The following CECR2 variants were observed in gnomAD, a reference collection of about 807,000 sequenced individuals.
CECR2 encodes CECR2 histone acetyl-lysine reader.
CECR2 carries 30 observed loss-of-function variants against 154.5 expected under a neutral mutation model. That is an observed-to-expected ratio of 0.19 (90% CI 0.15 to 0.26). The LOEUF is 0.26. CECR2 is among the 10% of genes least tolerant of loss of function. CECR2 has a pLI of 1.00. For synonymous variants in CECR2, 725 were observed against 683.7 expected, an observed-to-expected ratio of 1.06 and a Z score of -0.94; for missense variants, 1,743 against 1,829.3, an observed-to-expected ratio of 0.95 and a Z score of 0.86.
At chr22:17,425,497 A>G (rs184409091) in intron 1 of CECR2, among the ~76,000 whole-genome samples, 120 of 152,324 alleles carry the variant, frequency 7.9e-4, no homozygotes, top group African/African-American at 2.6e-3. Context: ...CTAAACTACT[A>G]TATGGGCTCT....
chr22:17,484,926 C>T (rs1056925579), intron 2 of CECR2, among the ~76,000 whole-genome samples: 4 of 152,196 alleles, frequency 2.6e-5, no homozygotes, highest in Admixed American at 1.3e-4. Flanking sequence ...TATAATTTTC[C>T]GACTCCTGTA....
chr22:17,500,760 T>TAA (rs1465238029), intron 5 of CECR2, 25 bp downstream of exon 5: 2 of 1,463,944 alleles, frequency 1.4e-6, no homozygotes, highest in South Asian at 2.5e-5. Context: ...TTAGTTGTGG[T>TAA]CATAGACCAT....
At chr22:17,461,648 T>C (rs1461510158) in intron 1 of CECR2, among the ~76,000 whole-genome samples, 2 of 152,210 alleles carry the variant, frequency 1.3e-5, no homozygotes, top group Non-Finnish European at 2.9e-5. Flanking sequence ...GGCAAGCCTT[T>C]GTGCACCAGA....
At position 17,390,142 on chromosome 22, in the gene CECR2, A is replaced by G. The variant is rs577008797; in HGVS notation, c.126+20233A>G. Reference sequence around the variant, plus strand: ...GGATCAGGCATTCCATTAGTTGTTGAGTCTCTTTAGTCTCCTTTAAAATAG... The same window carrying G: ...GGATCAGGCATTCCATTAGTTGTTGGGTCTCTTTAGTCTCCTTTAAAATAG... On this transcript the variant is annotated intron_variant, in intron 1 of 18. Coordinates refer to ENST00000262608, the MANE Select transcript of CECR2 (RefSeq NM_001290047.2). Among the ~76,000 whole-genome samples the G allele has an allele frequency of 7.7e-4, 117 of 152,232 alleles. 1 individual carries two copies. Among genetic ancestry groups the G allele is most frequent in the African/African-American group, 2.7e-3 (114 of 41,542 alleles).
intron 1 of CECR2, among the ~76,000 whole-genome samples, chr22:17,459,590 AG>A (rs202136195): frequency 0.013 from 1,974 of 152,302 alleles, 38 homozygotes; most frequent in Non-Finnish European, 0.017. Flanking sequence ...TTGGGATTAC[AG>A]GTGTGAGCCA....
At chr22:17,483,095 T>G (rs1173531847) in intron 2 of CECR2, among the ~76,000 whole-genome samples, 1 of 152,250 alleles carries the variant, frequency 6.6e-6, no homozygotes, top group Non-Finnish European at 1.5e-5. Flanking sequence ...TGTTACTGCC[T>G]TGAAGACGTT....
At chr22:17,485,732 T>C (rs1346341377) in intron 2 of CECR2, among the ~76,000 whole-genome samples, 1 of 152,152 alleles carries the variant, frequency 6.6e-6, no homozygotes, top group Non-Finnish European at 1.5e-5. Flanking sequence ...ATGGTGCCAC[T>C]GCACTCCAGC....
chr22:17,424,209 C>T lies in CECR2; in HGVS notation c.127-53379C>T, dbSNP rs59152497. Among the ~76,000 whole-genome samples, 336 of 151,824 alleles carry T rather than the reference C, an allele frequency of 2.2e-3. 1 individual carries two copies. The highest frequency in any genetic ancestry group is 7.9e-3 in the African/African-American group (326 of 41,406). ...TGCCTCAGCCTCCCCAAGTGCTGGG[C>T]TTACAGGTGTGAGCCACCACACCCG... On this transcript the variant is annotated intron_variant, in intron 1 of 18. Coordinates refer to ENST00000262608, the MANE Select transcript of CECR2 (RefSeq NM_001290047.2).
intron 1 of CECR2, among the ~76,000 whole-genome samples, chr22:17,456,282 C>A (rs1365174754): frequency 6.6e-6 from 1 of 152,080 alleles, no homozygotes; most frequent in Non-Finnish European, 1.5e-5. Flanking sequence ...AGTTTTAAAT[C>A]ACACTTTTAT....
At chr22:17,525,626 G>T (rs2056251836) in intron 9 of CECR2, among the ~76,000 whole-genome samples, 1 of 152,146 alleles carries the variant, frequency 6.6e-6, no homozygotes. Context: ...ACAACCCTTA[G>T]TGCATATAAT....
At chr22:17,515,882 A>C (rs1278663414) in intron 8 of CECR2, among the ~76,000 whole-genome samples, 1 of 151,968 alleles carries the variant, frequency 6.6e-6, no homozygotes, top group Non-Finnish European at 1.5e-5. Flanking sequence ...TCACCGTGTT[A>C]GCCAGGATGG....
At chr22:17,552,787 T>TTTTTTTTTTA in intron 18 of CECR2, 48 bp from the exon 19 acceptor site, 3 of 1,391,200 alleles carry the variant, frequency 2.2e-6, no homozygotes, top group East Asian at 5.0e-5. Flanking sequence ...TTTTTTTTTT[T>TTTTTTTTTTA]AACAACCCAA....
At chr22:17,509,076 C>T (rs2055895604) in intron 7 of CECR2, among the ~76,000 whole-genome samples, 1 of 152,116 alleles carries the variant, frequency 6.6e-6, no homozygotes, top group Admixed American at 6.6e-5. Flanking sequence ...CATGGCAAAA[C>T]CCCATCTCTA....
intron 1 of CECR2, among the ~76,000 whole-genome samples, chr22:17,465,121 C>T (rs910531077): frequency 3.3e-5 from 5 of 151,866 alleles, no homozygotes; most frequent in Admixed American, 2.0e-4. Context: ...CTCAGCCTCC[C>T]GAGCAGCTGG....
intron 9 of CECR2, among the ~76,000 whole-genome samples, chr22:17,524,638 C>T (rs865826941): frequency 4.3e-5 from 6 of 138,248 alleles, no homozygotes; most frequent in African/African-American, 1.1e-4. Flanking sequence ...GTAATCTGCC[C>T]GCCTTGGCCT....
In CECR2 at chr22:17,511,796, T is replaced by C. The variant is rs2146926499; in HGVS notation, c.871-17T>C. ...CTAATCTATCTTTTCCTTTCTCTTC[T>C]TCACTTCTAACTATAGGGAAAACGT... On this transcript the variant is annotated splice_polypyrimidine_tract_variant and intron_variant, in intron 7 of 18. Coordinates refer to ENST00000262608, the MANE Select transcript of CECR2 (RefSeq NM_001290047.2). 1.2e-6 allele frequency: 2 copies of C among 1,603,098 alleles called. No individual in the cohort carries two copies. Among genetic ancestry groups the C allele is most frequent in the South Asian group, 1.1e-5 (1 of 90,170 alleles).
chr22:17,473,806 T>G (rs1208326817), intron 1 of CECR2, among the ~76,000 whole-genome samples: 1 of 152,238 alleles, frequency 6.6e-6, no homozygotes, highest in Non-Finnish European at 1.5e-5. Flanking sequence ...CAAAACTGTT[T>G]CGTCTTCCAA....
intron 6 of CECR2, 59 bp from the exon 7 acceptor site, chr22:17,504,788 T>C: frequency 6.8e-7 from 1 of 1,478,618 alleles, no homozygotes; most frequent in Non-Finnish European, 9.3e-7. Flanking sequence ...AAATTGAGAA[T>C]AAATAAGGAA....
chr22:17,515,089 G>A lies in CECR2; in HGVS notation c.954+3193G>A, dbSNP rs1487171999. ...TAGATTTTTTTTTTCTCATATGTGTGTAATGTCATTTAGGTAAAATTGTAA... is the reference window on the plus strand; with the variant it reads ...TAGATTTTTTTTTTCTCATATGTGTATAATGTCATTTAGGTAAAATTGTAA... On this transcript the variant is annotated intron_variant, in intron 8 of 18. Transcript: ENST00000262608. Among the ~76,000 whole-genome samples, 2 of 151,354 alleles carry A rather than the reference G, an allele frequency of 1.3e-5. 1 individual carries two copies. The highest frequency in any genetic ancestry group is 4.2e-4 in the South Asian group (2 of 4,790).
Sources: allele counts gnomAD v4.1 joint callset (sites outside exome capture counted in the v4.1 genomes callset), GRCh38; gene constraint gnomAD v4.1.1; transcripts MANE v1.5; gene names NCBI Gene and HGNC (gene_info 2026-07-23, HGNC 2026-07-21).